The following ATP8A1 variants were observed in gnomAD, a reference collection of about 807,000 sequenced individuals.
ATP8A1 encodes the protein ATPase phospholipid transporting 8A1.
ATP8A1 carries 90 observed loss-of-function variants against 177.7 expected under a neutral mutation model. The observed-to-expected ratio is 0.51, with a 90% confidence interval of 0.43 to 0.60. The LOEUF is 0.60. Ranked by LOEUF, ATP8A1 falls within the 20% of genes least tolerant of loss-of-function variation. ATP8A1 has a pLI of 0.00. For synonymous variants in ATP8A1, 493 were observed against 485.9 expected, an observed-to-expected ratio of 1.01 and a Z score of -0.19; for missense variants, 1,072 against 1,392.8, an observed-to-expected ratio of 0.77 and a Z score of 3.67.
At chr4:42,419,567 A>C (rs1713628817) in intron 35 of ATP8A1, among the ~76,000 whole-genome samples, 1 of 152,232 alleles carries the variant, frequency 6.6e-6, no homozygotes, top group Admixed American at 6.5e-5. Context: ...GTCTGTAAGA[A>C]GGGGCTCCCA....
intron 9 of ATP8A1, among the ~76,000 whole-genome samples, chr4:42,586,019 G>A (rs369716839): frequency 2.0e-5 from 3 of 152,258 alleles, no homozygotes; most frequent in East Asian, 1.9e-4. Flanking sequence ...TATAACACGA[G>A]TATTTGGCCA....
chr4:42,484,984 C>T lies in ATP8A1; in HGVS notation c.2324+512G>A, dbSNP rs548955315. Among the ~76,000 whole-genome samples the T allele has an allele frequency of 3.9e-5, 6 of 152,096 alleles. No homozygotes were observed. The South Asian group carries it at 8.3e-4, about 21-fold the overall frequency. Reference sequence around the variant, plus strand: ...TGGAGCTATGTCGTTTACAAAAATGCCTTTCTATGAATTAGGCCTTGATAA... The same window carrying T: ...TGGAGCTATGTCGTTTACAAAAATGTCTTTCTATGAATTAGGCCTTGATAA... On this transcript the variant is annotated intron_variant, in intron 25 of 36. Transcript: ENST00000381668.
intron 22 of ATP8A1, among the ~76,000 whole-genome samples, chr4:42,514,356 C>T (rs1453288687): frequency 1.3e-5 from 2 of 152,140 alleles, no homozygotes; most frequent in Non-Finnish European, 2.9e-5. Context: ...GGTGGAAAAT[C>T]TACCACGAAG....
chr4:42,508,538 A>G (rs951689475), intron 22 of ATP8A1, among the ~76,000 whole-genome samples: 1 of 152,252 alleles, frequency 6.6e-6, no homozygotes, highest in African/African-American at 2.4e-5. Context: ...TGGTTTGCCA[A>G]ATGGACACAG....
chr4:42,449,723 G>C (rs1717731190), intron 30 of ATP8A1, among the ~76,000 whole-genome samples: 1 of 152,098 alleles, frequency 6.6e-6, no homozygotes, highest in Non-Finnish European at 1.5e-5. Flanking sequence ...CCTAGTCTTG[G>C]CTAGTTTTGG....
chr4:42,502,916 C>A (rs1723999131), intron 24 of ATP8A1, among the ~76,000 whole-genome samples: 1 of 152,212 alleles, frequency 6.6e-6, no homozygotes, highest in East Asian at 1.9e-4. Flanking sequence ...GTATTCCTAA[C>A]AAATCTTTCC....
At chr4:42,440,335 GTTTTTTTTTTTTTT>G (rs35291607) in intron 33 of ATP8A1, among the ~76,000 whole-genome samples, 1 of 135,500 alleles carries the variant, frequency 7.4e-6, no homozygotes, top group Admixed American at 7.5e-5. Flanking sequence ...AGCTCCTCCA[GTTTTTTTTTTTTTT>G]TTTTTTTAAT....
At position 42,616,038 on chromosome 4, in the gene ATP8A1, G is replaced by A. The variant is rs373363487; in HGVS notation, c.404C>T (p.Thr135Met). 9.3e-6 allele frequency: 15 copies of A among 1,611,380 alleles called. No homozygotes were observed. The highest frequency in any genetic ancestry group is 4.5e-5 in the East Asian group (2 of 44,718). The change falls in exon 5 of 37, where the codon ACG (threonine) becomes ATG (methionine). Residue 135 changes from threonine (T) to methionine (M), a missense_variant. Thr to Met is a moderately conservative substitution (Grantham distance 81, BLOSUM62 -1). Around this residue, in one of 5 missense-constraint regions of ATP8A1, gnomAD observed 344 missense variants for 393.5 expected, o/e 0.87. Transcript: ENST00000381668. ...KADNAVNKKQ[T>M]QVLRNGAWEI... The stretch of plus-strand genomic sequence containing the variant: ...AAAGCATGTAAAATTCCTACCTTGC[G>A]TTTGTTTCTTGTTCACTGCATTATC...
chr4:42,588,678 C>A (rs529810807), intron 7 of ATP8A1: 2 of 159,770 alleles, frequency 1.3e-5, no homozygotes, highest in African/African-American at 4.8e-5. Context: ...GTTTTGTGTC[C>A]GGATTTATCT....
chr4:42,553,447 C>T (rs13125400), intron 16 of ATP8A1, among the ~76,000 whole-genome samples: 2 of 152,088 alleles, frequency 1.3e-5, no homozygotes, highest in Non-Finnish European at 2.9e-5. Flanking sequence ...ACTCCTATGT[C>T]CAGGGGACTC....
chr4:42,597,956 G>C (rs1734873665), intron 6 of ATP8A1, among the ~76,000 whole-genome samples: 1 of 151,990 alleles, frequency 6.6e-6, no homozygotes, highest in Admixed American at 6.6e-5. Flanking sequence ...CATATTTCTG[G>C]TTTACTGTCA....
intron 5 of ATP8A1, among the ~76,000 whole-genome samples, chr4:42,605,678 T>C (rs574563771): frequency 6.6e-6 from 1 of 152,156 alleles, no homozygotes; most frequent in South Asian, 2.1e-4. Flanking sequence ...TCTGATCAGT[T>C]TTCTCTCCAC....
At chr4:42,555,760 G>T (rs1361684859) in intron 16 of ATP8A1, among the ~76,000 whole-genome samples, 6 of 152,068 alleles carry the variant, frequency 3.9e-5, no homozygotes, top group Non-Finnish European at 8.8e-5. Context: ...GGAGGCAGAG[G>T]TTGCAGTGAG....
At chr4:42,503,237 T>G (rs1724028148) in intron 24 of ATP8A1, among the ~76,000 whole-genome samples, 1 of 152,220 alleles carries the variant, frequency 6.6e-6, no homozygotes, top group Non-Finnish European at 1.5e-5. Flanking sequence ...CGCAAATCAT[T>G]TTGCAATTTC....
chr4:42,542,259 G>A (rs150380275), intron 20 of ATP8A1, among the ~76,000 whole-genome samples: 181 of 152,092 alleles, frequency 1.2e-3, no homozygotes, highest in African/African-American at 4.1e-3. Context: ...CTAATTCTAT[G>A]ATTATTAAAA....
chr4:42,652,227 C>G (rs892671040), intron 1 of ATP8A1, among the ~76,000 whole-genome samples: 2 of 152,130 alleles, frequency 1.3e-5, no homozygotes, highest in Non-Finnish European at 2.9e-5. Context: ...TTTTCTCAAC[C>G]AGTCAAGCTC....
At chr4:42,455,668 G>T (rs1718405384) in intron 27 of ATP8A1, 69 bp from the exon 28 acceptor site, 1 of 1,393,276 alleles carries the variant, frequency 7.2e-7, no homozygotes, top group Non-Finnish European at 1.0e-6. Flanking sequence ...AGAATCTGTT[G>T]TATACTCAAC....
intron 19 of ATP8A1, among the ~76,000 whole-genome samples, chr4:42,545,538 G>C (rs780845566): frequency 8.5e-5 from 13 of 152,228 alleles, no homozygotes; most frequent in Non-Finnish European, 7.3e-5. Context: ...TTACTGCCCA[G>C]TAACCCAGCA....
chr4:42,510,094 G>T (rs1259431390), intron 22 of ATP8A1, among the ~76,000 whole-genome samples: 1 of 152,142 alleles, frequency 6.6e-6, no homozygotes. Flanking sequence ...CTAATGACAA[G>T]ACCAAAATCC....
Sources: allele counts gnomAD v4.1 joint callset (sites outside exome capture counted in the v4.1 genomes callset), GRCh38; gene constraint gnomAD v4.1.1; regional missense constraint gnomAD v4.1.1; transcripts MANE v1.5; gene names NCBI Gene and HGNC (gene_info 2026-07-23, HGNC 2026-07-21).